PITPNB: variants seen among roughly 807,000 people sequenced by gnomAD.
PITPNB encodes phosphatidylinositol transfer protein beta isoform.
A neutral mutation model predicts 45.9 loss-of-function variants in PITPNB; 16 were observed. The observed-to-expected ratio is 0.35, with a 90% CI of 0.24 to 0.53. The LOEUF (loss-of-function observed/expected upper bound fraction) is 0.53. Ranked by LOEUF, PITPNB falls within the 20% of genes least tolerant of loss-of-function variation. The pLI is 0.93. For missense variants in PITPNB, 188 were observed against 330.5 expected (o/e 0.57, Z 3.34); for synonymous variants, 112 against 108.9 (o/e 1.03, Z -0.18).
intron 9 of PITPNB, 74 bp downstream of exon 9, chr22:27,860,055 CAG>C: frequency 2.5e-6 from 2 of 804,954 alleles, no homozygotes; most frequent in South Asian, 3.0e-5. Context: ...AAAGTAATAA[CAG>C]AGAAGATATC....
chr22:27,902,935 T>C (rs1935644225), intron 3 of PITPNB, among the ~76,000 whole-genome samples: 1 of 152,122 alleles, frequency 6.6e-6, no homozygotes, highest in Non-Finnish European at 1.5e-5. Context: ...TTTGCTATAT[T>C]GCCCGGGCTG....
intron 3 of PITPNB, 72 bp from the exon 4 acceptor site, chr22:27,897,964 G>C (rs1935481469): frequency 9.7e-7 from 1 of 1,032,014 alleles, no homozygotes; most frequent in African/African-American, 1.6e-5. Context: ...CCAACTGCTT[G>C]AAAGAGTATG....
intron 7 of PITPNB, among the ~76,000 whole-genome samples, chr22:27,885,059 G>T (rs201087866): frequency 7.1e-6 from 1 of 140,250 alleles, no homozygotes; most frequent in Non-Finnish European, 1.6e-5. Flanking sequence ...TTCCAAAAAC[G>T]AAGGTCTCTC....
intron 7 of PITPNB, among the ~76,000 whole-genome samples, chr22:27,882,650 T>C (rs558317231): frequency 6.6e-6 from 1 of 152,356 alleles, no homozygotes; most frequent in East Asian, 1.9e-4. Flanking sequence ...GTCTGTTCAT[T>C]TAGTAAACTG....
At chr22:27,892,234 G>A (rs1375922316) in intron 7 of PITPNB, among the ~76,000 whole-genome samples, 1 of 152,202 alleles carries the variant, frequency 6.6e-6, no homozygotes, top group Admixed American at 6.5e-5. Context: ...CTGAGGTGGA[G>A]GTGATGGGAA....
chr22:27,899,468 GC>G (rs1935531452), intron 3 of PITPNB, among the ~76,000 whole-genome samples: 1 of 151,666 alleles, frequency 6.6e-6, no homozygotes, highest in Admixed American at 6.6e-5. Context: ...GGGTACAGGC[GC>G]CCGCCACTAG....
At chr22:27,860,349 A>G in intron 8 of PITPNB, 108 bp from the exon 9 acceptor site, 1 of 639,334 alleles carries the variant, frequency 1.6e-6, no homozygotes, top group Non-Finnish European at 2.7e-6. Context: ...GAAAATTACA[A>G]TCTCATGTGT....
chr22:27,872,357 G>T (rs57381932), intron 8 of PITPNB, among the ~76,000 whole-genome samples: 3,088 of 151,976 alleles, frequency 0.02, 105 homozygotes, highest in African/African-American at 0.071. Flanking sequence ...GCCTCCCAAA[G>T]TACTGGGATT....
At chr22:27,897,687 C>G (rs1345583732) in intron 4 of PITPNB, 114 bp downstream of exon 4, 8 of 742,330 alleles carry the variant, frequency 1.1e-5, no homozygotes, top group Admixed American at 2.1e-5. Flanking sequence ...AGTGACTATC[C>G]AAGAACCCAA....
rs1491450531 is a variant in PITPNB, at chr22:27,872,080, GGT to G, written c.534+1656_534+1657del. On this transcript the variant is annotated intron_variant, in intron 8 of 11. Coordinates refer to ENST00000335272, the MANE Select transcript of PITPNB (RefSeq NM_012399.5). ...GCAGAACCGTGAGCCAATTAAGCCT[GGT>G]TTTTTTTTTTTTTTTTTTTTTTTTT... is the stretch of plus-strand genomic sequence containing the variant. Among the ~76,000 whole-genome samples, 10 of 110,700 alleles carry G rather than the reference GGT, an allele frequency of 9.0e-5. No individual in the cohort carries two copies. The East Asian group carries it at 1.6e-3, about 18-fold the overall frequency. The allele number at this position is 110,700 out of a possible 152,430, so 72.6% of individuals were successfully genotyped here. A position where few individuals can be genotyped will look rare whatever the true frequency, so the allele number is the denominator to read the frequency against.
chr22:27,895,330 C>A (rs1935401656), intron 6 of PITPNB, among the ~76,000 whole-genome samples: 1 of 152,152 alleles, frequency 6.6e-6, no homozygotes, highest in South Asian at 2.1e-4. Context: ...TGGCTCACAC[C>A]TGTAATCCTA....
intron 7 of PITPNB, among the ~76,000 whole-genome samples, chr22:27,893,161 G>A (rs572303640): frequency 7.2e-5 from 11 of 152,326 alleles, no homozygotes; most frequent in African/African-American, 2.6e-4. Flanking sequence ...TAGATTAGAG[G>A]AAGAGGACCA....
intron 3 of PITPNB, among the ~76,000 whole-genome samples, chr22:27,902,924 T>C (rs900168587): frequency 2.6e-5 from 4 of 152,084 alleles, no homozygotes; most frequent in Non-Finnish European, 4.4e-5. Flanking sequence ...TCGCAGTATG[T>C]TTTGCTATAT....
intron 8 of PITPNB, among the ~76,000 whole-genome samples, chr22:27,872,499 C>T (rs1934698032): frequency 6.6e-6 from 1 of 152,174 alleles, no homozygotes; most frequent in Admixed American, 6.5e-5. Context: ...CTAAACTCTA[C>T]CCAGAGAACA....
chr22:27,908,584 G>A (rs746021809), intron 3 of PITPNB, among the ~76,000 whole-genome samples: 5 of 151,928 alleles, frequency 3.3e-5, no homozygotes, highest in Non-Finnish European at 5.9e-5. Flanking sequence ...AGAACCCCCA[G>A]GAAGAGTCCA....
At chr22:27,864,940 A>C (rs914868009) in intron 8 of PITPNB, among the ~76,000 whole-genome samples, 2 of 152,102 alleles carry the variant, frequency 1.3e-5, no homozygotes, top group African/African-American at 4.8e-5. Flanking sequence ...CTCAAAAAAA[A>C]ACTCTCAAAA....
chr22:27,893,582 CTTTT>C (rs745878388), intron 7 of PITPNB, among the ~76,000 whole-genome samples: 2 of 74,028 alleles, frequency 2.7e-5, no homozygotes, highest in African/African-American at 5.5e-5. Flanking sequence ...CATGTCTAGC[CTTTT>C]TTTTTTTTTT....
chr22:27,882,158 T>G (rs1934991795), intron 7 of PITPNB, among the ~76,000 whole-genome samples: 1 of 152,160 alleles, frequency 6.6e-6, no homozygotes, highest in South Asian at 2.1e-4. Flanking sequence ...GCCCCTAAGA[T>G]TCAATCCAAA....
chr22:27,881,810 G>A (rs1408422932), intron 7 of PITPNB, among the ~76,000 whole-genome samples: 1 of 152,148 alleles, frequency 6.6e-6, no homozygotes, highest in Non-Finnish European at 1.5e-5. Context: ...TTAATTTGGA[G>A]GATATATTAG....
Sources: gnomAD v4.1 joint callset for allele counts (sites outside exome capture counted in the v4.1 genomes callset) on GRCh38, gnomAD v4.1.1 for gene constraint, MANE v1.5 for transcripts, NCBI Gene and HGNC (gene_info 2026-07-23, HGNC 2026-07-21) for gene names.